The following RAB3GAP1 variants were observed in gnomAD, a reference collection of about 807,000 sequenced individuals.
The protein encoded by RAB3GAP1 is RAB3 GTPase activating protein catalytic subunit 1.
RAB3GAP1 carries 86 observed loss-of-function variants against 130.7 expected under a neutral mutation model. The observed-to-expected ratio is 0.66, with a 90% CI of 0.55 to 0.79. RAB3GAP1 has a LOEUF of 0.79. Ranked by LOEUF, RAB3GAP1 falls within the 30% of genes least tolerant of loss-of-function variation. RAB3GAP1 has a pLI of 0.00. For missense variants in RAB3GAP1, 1,029 were observed against 1,169.4 expected (o/e 0.88, Z 1.75); for synonymous variants, 367 against 401.7 (o/e 0.91, Z 1.03).
intron 2 of RAB3GAP1, among the ~76,000 whole-genome samples, chr2:135,055,100 A>C (rs1044813563): frequency 1.3e-5 from 2 of 152,186 alleles, no homozygotes; most frequent in African/African-American, 2.4e-5. Context: ...TTCTGCTTTT[A>C]CTAAATGTGC....
rs79750627 is a variant in RAB3GAP1 at position 135,079,490 on chromosome 2, A to G, written c.151-11508A>G. 2.8e-3 allele frequency among the ~76,000 whole-genome samples: 422 copies of G among 152,266 alleles called. 3 individuals carry two copies. The highest frequency in any genetic ancestry group is 9.5e-3 in the African/African-American group (396 of 41,552). The stretch of plus-strand genomic sequence containing the variant: ...GTAGTCTGAACTAGGACTGATATTC[A>G]TAGGCTTCCATGGTCAGGTCTCTAA... On this transcript the variant is annotated intron_variant, in intron 3 of 23. Coordinates refer to ENST00000264158, the MANE Select transcript of RAB3GAP1 (RefSeq NM_012233.3).
At chr2:135,094,128 A>G (rs1038699050) in intron 5 of RAB3GAP1, among the ~76,000 whole-genome samples, 29 of 152,166 alleles carry the variant, frequency 1.9e-4, no homozygotes, top group Admixed American at 1.9e-3. Flanking sequence ...TGCATAAACA[A>G]TTTAGGCTTA....
intron 17 of RAB3GAP1, among the ~76,000 whole-genome samples, chr2:135,144,262 A>C (rs1293244334): frequency 1.3e-5 from 2 of 152,212 alleles, no homozygotes; most frequent in Non-Finnish European, 2.9e-5. Flanking sequence ...GAAGAATTTT[A>C]TTGAGTGACA....
chr2:135,060,395 G>A (rs12105024), intron 3 of RAB3GAP1, among the ~76,000 whole-genome samples: 4,069 of 151,300 alleles, frequency 0.027, 162 homozygotes, highest in African/African-American at 0.092. Flanking sequence ...AAGTGGCTGC[G>A]ACTACAGGCA....
chr2:135,064,883 T>A (rs1371123556), intron 3 of RAB3GAP1, among the ~76,000 whole-genome samples: 4 of 151,942 alleles, frequency 2.6e-5, no homozygotes, highest in Non-Finnish European at 5.9e-5. Context: ...TCATAAAATT[T>A]ATAACATTTA....
chr2:135,099,439 G>GTA (rs1186628379), intron 5 of RAB3GAP1, among the ~76,000 whole-genome samples: 77 of 130,704 alleles, frequency 5.9e-4, no homozygotes, highest in Admixed American at 1.2e-3. Context: ...TTCTGTGTGT[G>GTA]TGTGTGTGTG....
intron 3 of RAB3GAP1, among the ~76,000 whole-genome samples, chr2:135,074,586 G>C (rs1336486623): frequency 6.6e-6 from 1 of 152,222 alleles, no homozygotes; most frequent in Non-Finnish European, 1.5e-5. Flanking sequence ...TCCACCAAGA[G>C]GTTGGAGTTG....
At position 135,113,166 on chromosome 2, in the gene RAB3GAP1, G is replaced by A. The variant is rs1007327647; in HGVS notation, c.378G>A (p.Glu126=). Residue 126 remains glutamate, a synonymous_variant, in exon 6 of 24, where the codon GAG becomes GAA. Transcript: ENST00000264158. ...HCLVRWYGLR[E]FVVIAPAAHS... ...TTTTTTTAAGGTATGGGCTACGTGA[G>A]TTCGTGGTGATTGCCCCTGCTGCAC... 1.1e-5 allele frequency: 18 copies of A among 1,614,188 alleles called. No individual in the cohort carries two copies. Among genetic ancestry groups the A allele is most frequent in the Non-Finnish European group, 1.5e-5 (18 of 1,180,040 alleles).
At chr2:135,173,451 G>A (rs1692915370), downstream of RAB3GAP1, among the ~76,000 whole-genome samples, 1 of 152,140 alleles carries the variant, frequency 6.6e-6, no homozygotes, top group Admixed American at 6.5e-5. Flanking sequence ...GGTGGGAATT[G>A]ATCAATTGTG....
Position 135,129,998 on chromosome 2 carries a change from A to AT in RAB3GAP1, c.981dup (p.Val328CysfsTer3), listed in dbSNP as rs778892406. 4 of 1,601,152 alleles carry AT rather than the reference A, an allele frequency of 2.5e-6. No individual in the cohort carries two copies. The highest frequency in any genetic ancestry group is 3.4e-6 in the Non-Finnish European group (4 of 1,172,384). On this transcript the variant is annotated frameshift_variant, in exon 12 of 24. Transcript: ENST00000264158. LOFTEE classifies it high-confidence loss of function. ...AATAACTTTTTTTCCTACATAGGTG[A>AT]TTTTGTCACTGAATTTTTTAAAATT...
intron 3 of RAB3GAP1, among the ~76,000 whole-genome samples, chr2:135,072,452 C>G (rs572007425): frequency 1.3e-5 from 2 of 152,242 alleles, no homozygotes; most frequent in East Asian, 3.9e-4. Context: ...ACTTTTTGTC[C>G]TTATTGGAAG....
downstream of RAB3GAP1, among the ~76,000 whole-genome samples, chr2:135,173,920 T>G (rs1692934869): frequency 6.6e-6 from 1 of 152,224 alleles, no homozygotes; most frequent in Admixed American, 6.5e-5. Flanking sequence ...CTCTTGTGTT[T>G]AAATCTTCTG....
chr2:135,106,155 C>A (rs565534858), intron 5 of RAB3GAP1, among the ~76,000 whole-genome samples: 1 of 151,032 alleles, frequency 6.6e-6, no homozygotes, highest in Non-Finnish European at 1.5e-5. Flanking sequence ...TGCCTCCGTC[C>A]GGCCGCCGCC....
intron 5 of RAB3GAP1, among the ~76,000 whole-genome samples, chr2:135,097,480 C>G (rs931993554): frequency 3.9e-5 from 6 of 152,270 alleles, no homozygotes; most frequent in African/African-American, 1.4e-4. Flanking sequence ...CTCAGCCTCC[C>G]AAAGTACTGG....
At chr2:135,065,849 C>T (rs775606179) in intron 3 of RAB3GAP1, among the ~76,000 whole-genome samples, 4 of 149,382 alleles carry the variant, frequency 2.7e-5, no homozygotes, top group Non-Finnish European at 4.4e-5. Flanking sequence ...CGGCTCACTG[C>T]AACCTTTGCC....
chr2:135,159,193 T>C (rs1692399621), intron 19 of RAB3GAP1, among the ~76,000 whole-genome samples: 2 of 152,222 alleles, frequency 1.3e-5, no homozygotes. Context: ...TAAATGTATA[T>C]AGATACTCCA....
chr2:135,084,376 T>A (rs1689918835), intron 3 of RAB3GAP1, among the ~76,000 whole-genome samples: 1 of 152,244 alleles, frequency 6.6e-6, no homozygotes, highest in African/African-American at 2.4e-5. Flanking sequence ...CTCTATATTG[T>A]AGCATGTATC....
chr2:135,162,773 TAAG>T lies in RAB3GAP1; in HGVS notation c.2417_2419del (p.Lys806del), dbSNP rs752726257. ...AAAGTCTCGAAAACATTTCTTCAGT[TAAG>T]AAGATCATAAAGCAGATAATATCCC... On this transcript the variant is annotated inframe_deletion, in exon 21 of 24. Coordinates refer to ENST00000264158, the MANE Select transcript of RAB3GAP1 (RefSeq NM_012233.3). 5.0e-6 allele frequency: 8 copies of T among 1,613,628 alleles called. No individual in the cohort carries two copies. Among genetic ancestry groups the T allele is most frequent in the Non-Finnish European group, 6.8e-6 (8 of 1,179,496 alleles).
rs1222506305 is a variant in RAB3GAP1 at position 135,162,989 on chromosome 2, A to G, written c.2494A>G (p.Ile832Val). 4 of 1,612,640 alleles carry G rather than the reference A, an allele frequency of 2.5e-6. No individual in the cohort carries two copies. Among genetic ancestry groups the G allele is most frequent in the Non-Finnish European group, 3.4e-6 (4 of 1,178,596 alleles). Residue 832 changes from isoleucine (I) to valine (V), a missense_variant, in exon 22 of 24, where the codon ATC (isoleucine) becomes GTC (valine). Ile to Val is a conservative substitution (Grantham distance 29). Coordinates refer to ENST00000264158, the MANE Select transcript of RAB3GAP1 (RefSeq NM_012233.3). ...PNPEDKKLEE[I>V]IHQITNVEAL... ...CCTCTTCCTTTTCTACCGCCAGGAA[A>G]TCATTCACCAGATTACTAATGTGGA...
Sources: gnomAD v4.1 joint callset for allele counts (sites outside exome capture counted in the v4.1 genomes callset) on GRCh38, gnomAD v4.1.1 for gene constraint, MANE v1.5 for transcripts, NCBI Gene and HGNC (gene_info 2026-07-23, HGNC 2026-07-21) for gene names.